FNDC3B: variants seen among roughly 807,000 people sequenced by gnomAD.
The protein encoded by FNDC3B is fibronectin type III domain containing 3B.
FNDC3B carries 12 observed loss-of-function variants against 151.5 expected under a neutral mutation model. That is an observed-to-expected ratio of 0.08 (90% CI 0.05 to 0.13). FNDC3B has a LOEUF of 0.13. Among genes scored for constraint, FNDC3B ranks in the 10% least tolerant of loss-of-function variants. The probability of loss-of-function intolerance (pLI) is 1.00; values close to 1 mark genes in which losing one functional copy is unlikely to be tolerated. For missense variants in FNDC3B, 1,214 were observed against 1,505.3 expected (o/e 0.81, Z 3.20); for synonymous variants, 528 against 549.0 (o/e 0.96, Z 0.54).
At chr3:172,269,560 G>GC in intron 6 of FNDC3B, among the ~76,000 whole-genome samples, 1 of 151,834 alleles carries the variant, frequency 6.6e-6, no homozygotes, top group East Asian at 1.9e-4. Context: ...ATGAGCTACT[G>GC]CCCCCAGCCT....
At chr3:172,194,663 T>C (rs1006045475) in intron 3 of FNDC3B, among the ~76,000 whole-genome samples, 3 of 152,220 alleles carry the variant, frequency 2.0e-5, no homozygotes, top group Non-Finnish European at 2.9e-5. Context: ...ACACTTGACA[T>C]TGTGTTTATA....
Position 172,315,069 on chromosome 3 carries a change from A to G in FNDC3B, c.1254+4188A>G, listed in dbSNP as rs565715421. Among the ~76,000 whole-genome samples, 7 of 152,338 alleles carry G rather than the reference A, an allele frequency of 4.6e-5. No homozygotes were observed. The South Asian group carries it at 1.4e-3, about 32-fold the overall frequency. ...GAAGTTACTATGACTATGAAATGGT[A>G]ATTAGCAGCTAAAAACGGAATTTAC... On this transcript the variant is annotated intron_variant, in intron 11 of 25. Transcript: ENST00000415807.
intron 1 of FNDC3B, among the ~76,000 whole-genome samples, chr3:172,057,610 C>G (rs746087220): frequency 3.3e-5 from 5 of 151,348 alleles, no homozygotes; most frequent in Non-Finnish European, 7.4e-5. Flanking sequence ...TAATAGGGAT[C>G]GAAGCCTGTC....
At position 172,247,722 on chromosome 3, in the gene FNDC3B, C is replaced by T; in HGVS notation, c.454C>T (p.Pro152Ser). 6.2e-7 allele frequency: 1 copy of T among 1,614,130 alleles called. No individual in the cohort carries two copies. The highest frequency in any genetic ancestry group is 8.5e-7 in the Non-Finnish European group (1 of 1,179,996). Reference protein sequence around the residue: ...YPPVTGPGDMPPQFFPQHHLP... With the variant: ...YPPVTGPGDMSPQFFPQHHLP... The stretch of plus-strand genomic sequence containing the variant: ...ACCTGTTACCGGACCTGGAGATATG[C>T]CGCCTCAGTTTTTTCCCCAGCATCA... Residue 152 changes from proline (P) to serine (S), a missense_variant, in exon 5 of 26, where the codon CCG becomes TCG. This residue lies in a region of FNDC3B where 166 missense variants were observed against 173.2 expected (regional missense o/e 0.96). Coordinates refer to ENST00000415807, the MANE Select transcript of FNDC3B (RefSeq NM_022763.4).
At chr3:172,077,987 A>G (rs1718098426) in intron 1 of FNDC3B, among the ~76,000 whole-genome samples, 1 of 151,958 alleles carries the variant, frequency 6.6e-6, no homozygotes, top group East Asian at 1.9e-4. Context: ...TCTATTTATT[A>G]TTATTATTTT....
intron 3 of FNDC3B, among the ~76,000 whole-genome samples, chr3:172,162,609 A>T (rs1279041632): frequency 6.6e-6 from 1 of 150,406 alleles, no homozygotes; most frequent in Admixed American, 6.6e-5. Flanking sequence ...CCAGCAGTGT[A>T]TGAGGGTTCC....
At chr3:172,073,901 T>C (rs528377215) in intron 1 of FNDC3B, among the ~76,000 whole-genome samples, 3 of 152,154 alleles carry the variant, frequency 2.0e-5, no homozygotes, top group African/African-American at 7.2e-5. Context: ...TTTTCTCTTG[T>C]GCTTTTTCTC....
intron 1 of FNDC3B, among the ~76,000 whole-genome samples, chr3:172,104,554 G>A (rs759598268): frequency 2.0e-5 from 3 of 152,050 alleles, no homozygotes; most frequent in Non-Finnish European, 2.9e-5. Context: ...GTACAGGAGC[G>A]ATTAGCTCAA....
chr3:172,346,187 T>C, intron 19 of FNDC3B, 140 bp from the exon 20 acceptor site: 1 of 440,868 alleles, frequency 2.3e-6, no homozygotes, highest in Non-Finnish European at 4.1e-6. Context: ...TGAAAATCAT[T>C]GGGTAATATT....
chr3:172,353,683 T>G (rs140560290), intron 22 of FNDC3B, among the ~76,000 whole-genome samples: 1 of 152,206 alleles, frequency 6.6e-6, no homozygotes, highest in African/African-American at 2.4e-5. Context: ...AGTTCTGTTA[T>G]GGAGAAGATG....
intron 3 of FNDC3B, among the ~76,000 whole-genome samples, chr3:172,141,903 T>C (rs1721647800): frequency 1.3e-5 from 2 of 152,242 alleles, no homozygotes; most frequent in African/African-American, 4.8e-5. Flanking sequence ...TAGTGCATTC[T>C]GTTTCTTAGG....
chr3:172,333,116 G>A lies in FNDC3B; in HGVS notation c.1582G>A (p.Gly528Arg). Reference sequence around the variant, plus strand: ...TAACCTTTTCCACCCAAAATACACTGGAGAGGATTTAACCTGTACTGTGAA... The same window carrying A: ...TAACCTTTTCCACCCAAAATACACTAGAGAGGATTTAACCTGTACTGTGAA... ...NDNLFHPKYT[G>R]EDLTCTVKNL... is the part of the protein sequence containing the mutation. Residue 528 changes from glycine to arginine, a missense_variant, in exon 14 of 26, where the codon GGA becomes AGA. Physicochemically the swap from Gly to Arg is moderately radical, Grantham distance 125. Coordinates refer to ENST00000415807, the MANE Select transcript of FNDC3B (RefSeq NM_022763.4). 2 of 1,612,990 alleles carry A rather than the reference G, an allele frequency of 1.2e-6. No individual in the cohort carries two copies. Among genetic ancestry groups the A allele is most frequent in the Non-Finnish European group, 1.7e-6 (2 of 1,179,006 alleles).
At position 172,243,763 on chromosome 3, in the gene FNDC3B, C is replaced by T. The variant is rs146270705; in HGVS notation, c.265-3770C>T. ...ATAGATACTGTTGGATTAGAGTCTA[C>T]CTATATGACCTCATTTCACCTTAAT... On this transcript the variant is annotated intron_variant, in intron 4 of 25. Coordinates refer to ENST00000415807, the MANE Select transcript of FNDC3B (RefSeq NM_022763.4). Among the ~76,000 whole-genome samples, 869 of 152,234 alleles carry T rather than the reference C, an allele frequency of 5.7e-3. 5 individuals carry two copies. Among genetic ancestry groups the T allele is most frequent in the Middle Eastern group, 0.01 (3 of 294 alleles).
chr3:172,346,905 T>C (rs1733642077), intron 20 of FNDC3B, among the ~76,000 whole-genome samples: 1 of 152,098 alleles, frequency 6.6e-6, no homozygotes, highest in Admixed American at 6.5e-5. Flanking sequence ...GGTTTCACTG[T>C]GTTGGCCAGG....
At chr3:172,253,763 G>A (rs1267680910) in intron 6 of FNDC3B, among the ~76,000 whole-genome samples, 1 of 151,846 alleles carries the variant, frequency 6.6e-6, no homozygotes, top group Non-Finnish European at 1.5e-5. Flanking sequence ...TGTTCTCATG[G>A]CCAGAAGAGA....
intron 3 of FNDC3B, among the ~76,000 whole-genome samples, chr3:172,153,944 C>A (rs1270154481): frequency 6.6e-6 from 1 of 152,064 alleles, no homozygotes; most frequent in Non-Finnish European, 1.5e-5. Context: ...GGAAAAAGTT[C>A]CCTCAACTTG....
At chr3:172,196,571 C>G (rs1361592651) in intron 3 of FNDC3B, among the ~76,000 whole-genome samples, 1 of 152,118 alleles carries the variant, frequency 6.6e-6, no homozygotes, top group Non-Finnish European at 1.5e-5. Context: ...TCTGGGACAT[C>G]AGTTTTCTCA....
At chr3:172,258,027 T>A (rs1401346387) in intron 6 of FNDC3B, among the ~76,000 whole-genome samples, 1 of 152,190 alleles carries the variant, frequency 6.6e-6, no homozygotes, top group Non-Finnish European at 1.5e-5. Flanking sequence ...TGTATCATGA[T>A]AAATATATAC....
At chr3:172,356,647 C>T (rs1017798961) in intron 22 of FNDC3B, among the ~76,000 whole-genome samples, 2 of 152,146 alleles carry the variant, frequency 1.3e-5, no homozygotes, top group Non-Finnish European at 1.5e-5. Context: ...AGGCCAGTTC[C>T]GACTCCTCCT....
Sources: allele counts gnomAD v4.1 joint callset (sites outside exome capture counted in the v4.1 genomes callset), GRCh38; gene constraint gnomAD v4.1.1; regional missense constraint gnomAD v4.1.1; transcripts MANE v1.5; gene names NCBI Gene and HGNC (gene_info 2026-07-23, HGNC 2026-07-21).